NELL1: variants seen among roughly 807,000 people sequenced by gnomAD.
NELL1 encodes neural EGFL like 1.
A neutral mutation model predicts 107.4 loss-of-function variants in NELL1; 76 were observed. That is an observed-to-expected ratio of 0.71 (90% confidence interval 0.59 to 0.86). NELL1 has a LOEUF of 0.86. Among genes scored for constraint, NELL1 ranks in the 40% least tolerant of loss-of-function variants. The pLI, the probability that NELL1 is intolerant of heterozygous loss-of-function variation, is 0.00. For synonymous variants in NELL1, 353 were observed against 341.2 expected, an observed-to-expected ratio of 1.03 and a Z score of -0.38; for missense variants, 1,024 against 1,005.5, an observed-to-expected ratio of 1.02 and a Z score of -0.25.
chr11:21,140,167 G>C (rs1031186634), intron 13 of NELL1, among the ~76,000 whole-genome samples: 8 of 152,112 alleles, frequency 5.3e-5, no homozygotes, highest in African/African-American at 1.9e-4. Flanking sequence ...CCAAGAGCCT[G>C]GGTTGGACTT....
intron 2 of NELL1, among the ~76,000 whole-genome samples, chr11:20,727,324 G>C (rs1285895194): frequency 1.3e-5 from 2 of 152,172 alleles, no homozygotes; most frequent in Non-Finnish European, 2.9e-5. Context: ...TTGTGGTTTT[G>C]ATTTGCATTT....
At chr11:21,004,100 A>G (rs1852280236) in intron 12 of NELL1, among the ~76,000 whole-genome samples, 1 of 152,086 alleles carries the variant, frequency 6.6e-6, no homozygotes, top group African/African-American at 2.4e-5. Context: ...TTGTTGTCCC[A>G]TCTGTGTTCC....
At chr11:21,337,728 T>G (rs1247194591) in intron 14 of NELL1, among the ~76,000 whole-genome samples, 2 of 151,296 alleles carry the variant, frequency 1.3e-5, no homozygotes, top group Non-Finnish European at 3.0e-5. Context: ...CATTCTTTTC[T>G]TTCTTTCCTT....
intron 12 of NELL1, among the ~76,000 whole-genome samples, chr11:21,041,315 TGTTAATAAAAATA>T (rs746375166): frequency 1.3e-5 from 2 of 152,170 alleles, no homozygotes; most frequent in African/African-American, 2.4e-5. Flanking sequence ...CATAGTTAAT[TGTTAATAAAAATA>T]GTTAATATAA....
intron 2 of NELL1, among the ~76,000 whole-genome samples, chr11:20,755,000 G>A (rs111892710): frequency 6.6e-6 from 1 of 152,078 alleles, no homozygotes; most frequent in Non-Finnish European, 1.5e-5. Flanking sequence ...CAAATATTTC[G>A]CATTATACAG....
intron 2 of NELL1, among the ~76,000 whole-genome samples, chr11:20,691,384 A>C (rs1171382455): frequency 6.6e-6 from 1 of 151,152 alleles, no homozygotes; most frequent in Non-Finnish European, 1.5e-5. Context: ...GAATGCTTCC[A>C]GTTTTTGCCC....
intron 15 of NELL1, among the ~76,000 whole-genome samples, chr11:21,374,773 C>A (rs1264781602): frequency 6.6e-6 from 1 of 151,988 alleles, no homozygotes; most frequent in Non-Finnish European, 1.5e-5. Context: ...GTCTTTGACT[C>A]CCTACATCTT....
intron 1 of NELL1, among the ~76,000 whole-genome samples, chr11:20,677,710 A>C (rs1168093582): frequency 2.0e-5 from 3 of 152,062 alleles, no homozygotes; most frequent in African/African-American, 7.3e-5. Flanking sequence ...AGAAATTATC[A>C]ATCCATAATT....
At chr11:20,856,975 G>A (rs1218622742) in intron 4 of NELL1, among the ~76,000 whole-genome samples, 1 of 152,168 alleles carries the variant, frequency 6.6e-6, no homozygotes, top group African/African-American at 2.4e-5. Context: ...AGACATCTGG[G>A]CCAGAGTGAC....
chr11:20,957,532 G>A (rs927299201), intron 11 of NELL1, among the ~76,000 whole-genome samples: 1 of 152,100 alleles, frequency 6.6e-6, no homozygotes, highest in African/African-American at 2.4e-5. Flanking sequence ...AAGAGAATAA[G>A]CTATCATGCA....
intron 2 of NELL1, among the ~76,000 whole-genome samples, chr11:20,692,717 A>G (rs935089170): frequency 1.3e-5 from 2 of 151,972 alleles, no homozygotes; most frequent in Non-Finnish European, 2.9e-5. Flanking sequence ...TATGTGGTCA[A>G]TTTTGGAATA....
intron 12 of NELL1, among the ~76,000 whole-genome samples, chr11:21,063,521 G>A (rs923490242): frequency 1.3e-5 from 2 of 152,142 alleles, no homozygotes; most frequent in Non-Finnish European, 2.9e-5. Flanking sequence ...GGTCCACCAT[G>A]AGTTATTTCA....
chr11:21,515,602 T>G (rs1855539892), intron 15 of NELL1, among the ~76,000 whole-genome samples: 1 of 152,218 alleles, frequency 6.6e-6, no homozygotes, highest in African/African-American at 2.4e-5. Flanking sequence ...AGGGAGAATT[T>G]GAACCTTAAA....
intron 12 of NELL1, among the ~76,000 whole-genome samples, chr11:20,998,049 C>A (rs760933006): frequency 5.1e-4 from 78 of 152,114 alleles, no homozygotes; most frequent in Non-Finnish European, 1.5e-4. Flanking sequence ...CCACAAGCAA[C>A]AAGCAAAATG....
At position 21,397,025 on chromosome 11, in the gene NELL1, G is replaced by A. The variant is rs181245611; in HGVS notation, c.1645+26077G>A. Reference sequence around the variant, plus strand: ...GAGAAAAATATTAAATAGTAGCAGAGTTGAGGACATTATCATCTTTCTATC... The same window carrying A: ...GAGAAAAATATTAAATAGTAGCAGAATTGAGGACATTATCATCTTTCTATC... On this transcript the variant is annotated intron_variant, in intron 15 of 19. Transcript: ENST00000357134. Among the ~76,000 whole-genome samples, 162 of 151,776 alleles carry A rather than the reference G, an allele frequency of 1.1e-3. 1 individual carries two copies. Among genetic ancestry groups the A allele is most frequent in the Non-Finnish European group, 2.0e-3 (134 of 67,766 alleles).
chr11:21,560,147 C>T lies in NELL1; in HGVS notation c.1787-42C>T. ...ATGATGGTTGTTTGTTCTCTAAGTTCCCTTGGCTAGATTCTAAGCTTCTGT... is the reference window on the plus strand; with the variant it reads ...ATGATGGTTGTTTGTTCTCTAAGTTTCCTTGGCTAGATTCTAAGCTTCTGT... On this transcript the variant is annotated intron_variant, in intron 16 of 19. Coordinates refer to ENST00000357134, the MANE Select transcript of NELL1 (RefSeq NM_006157.5). The T allele has an allele frequency of 1.3e-6, 2 of 1,579,854 alleles. 1 individual carries two copies.
At chr11:21,325,593 A>G (rs1565168833) in intron 14 of NELL1, among the ~76,000 whole-genome samples, 1 of 151,862 alleles carries the variant, frequency 6.6e-6, no homozygotes, top group African/African-American at 2.4e-5. Context: ...GGTCCTTTGC[A>G]TTTTTTTAAT....
intron 2 of NELL1, among the ~76,000 whole-genome samples, chr11:20,717,392 T>C (rs116150693): frequency 0.012 from 1,808 of 152,292 alleles, 33 homozygotes; most frequent in African/African-American, 0.041. Context: ...AGATTTTCCC[T>C]GACTCATGCC....
rs527280827 is a variant in NELL1 at position 21,369,673 on chromosome 11, A to C, written c.1550-1180A>C. 3.2e-4 allele frequency among the ~76,000 whole-genome samples: 49 copies of C among 152,030 alleles called. 1 individual carries two copies. Among genetic ancestry groups the C allele is most frequent in the Non-Finnish European group, 2.1e-4 (14 of 67,984 alleles). ...ATAACCATGACATTTTTCTAGGGTG[A>C]CTTTTTCAAACTACAATTAAAATTT... On this transcript the variant is annotated intron_variant, in intron 14 of 19. Transcript: ENST00000357134.
Sources: allele counts gnomAD v4.1 joint callset (sites outside exome capture counted in the v4.1 genomes callset), GRCh38; gene constraint gnomAD v4.1.1; transcripts MANE v1.5; gene names NCBI Gene and HGNC (gene_info 2026-07-23, HGNC 2026-07-21).